ANLN: variants seen among roughly 807,000 people sequenced by gnomAD.
ANLN encodes anillin.
ANLN carries 59 observed loss-of-function variants against 135.1 expected under a neutral mutation model. The ratio of observed to expected loss-of-function variants is 0.44; its 90% confidence interval spans 0.35 to 0.54. The LOEUF (loss-of-function observed/expected upper bound fraction) is 0.54, where lower values mean the gene tolerates loss of function less well. Among genes scored for constraint, ANLN ranks in the 20% least tolerant of loss-of-function variants. ANLN has a pLI of 0.00. For synonymous variants in ANLN, 406 were observed against 456.4 expected, an observed-to-expected ratio of 0.89 and a Z score of 1.41; for missense variants, 1,182 against 1,340.0, an observed-to-expected ratio of 0.88 and a Z score of 1.84.
intron 15 of ANLN, 125 bp downstream of exon 15, chr7:36,424,068 CAAAT>C (rs1787985827): frequency 2.1e-6 from 2 of 971,958 alleles, no homozygotes; most frequent in Non-Finnish European, 2.9e-6. Flanking sequence ...TTTATATTGA[CAAAT>C]AACCCATCTT....
At chr7:36,430,861 A>G (rs575161200) in intron 20 of ANLN, among the ~76,000 whole-genome samples, 1 of 152,306 alleles carries the variant, frequency 6.6e-6, no homozygotes, top group African/African-American at 2.4e-5. Context: ...TGGATGTCTT[A>G]AAAGACTCCT....
intron 17 of ANLN, 143 bp downstream of exon 17, chr7:36,424,885 A>G (rs1407510612): frequency 4.1e-6 from 3 of 727,942 alleles, no homozygotes; most frequent in African/African-American, 3.6e-5. Context: ...ACTATGTTAA[A>G]TAGGTATGAA....
Position 36,420,195 on chromosome 7 carries a change from A to G in ANLN, c.1896A>G (p.Glu632=), listed in dbSNP as rs898143734. 6.2e-7 allele frequency: 1 copy of G among 1,613,928 alleles called. No individual in the cohort carries two copies. Among genetic ancestry groups the G allele is most frequent in the Non-Finnish European group, 8.5e-7 (1 of 1,179,964 alleles). Residue 632 remains glutamate (E), a synonymous_variant, in exon 11 of 24, where the codon GAA becomes GAG. Transcript: ENST00000265748. ...PESLVSTPRL[E]LKDTSRSDES... The stretch of plus-strand genomic sequence containing the variant: ...GTTTAGTGTCCACACCTAGACTGGA[A>G]TTGAAAGACACCAGCAGAAGTGATG...
At chr7:36,437,655 A>AT (rs1195666336) in intron 20 of ANLN, among the ~76,000 whole-genome samples, 1 of 151,748 alleles carries the variant, frequency 6.6e-6, no homozygotes, top group Non-Finnish European at 1.5e-5. Context: ...TAATTTATCT[A>AT]TTTTTTCCTC....
rs146533909 is a variant in ANLN, at chr7:36,422,830, G to C, written c.2476+21G>C. On this transcript the variant is annotated intron_variant, in intron 14 of 23. Transcript: ENST00000265748. ...ACCAGGTATGGTGGTGATTTTTCTA[G>C]ATTGTGTGTTAAATTATGAACCTCA... 435 of 1,573,966 alleles carry C rather than the reference G, an allele frequency of 2.8e-4. No homozygotes were observed. In the African/African-American group the frequency reaches 5.1e-3, roughly 19 times the overall value.
chr7:36,427,378 T>TG (rs150229147), intron 20 of ANLN, among the ~76,000 whole-genome samples: 12,153 of 152,186 alleles, frequency 0.08, 620 homozygotes, highest in Admixed American at 0.13. Context: ...TTTGTTTTTT[T>TG]GTTTTTTTGT....
At chr7:36,451,976 C>T (rs1789262382) in intron 23 of ANLN, among the ~76,000 whole-genome samples, 1 of 152,174 alleles carries the variant, frequency 6.6e-6, no homozygotes, top group African/African-American at 2.4e-5. Context: ...TCATGTTCTA[C>T]TAATATAGTA....
rs963590325 is a variant in ANLN, at chr7:36,408,064, C to T, written c.1096+108C>T. 6 of 868,752 alleles carry T rather than the reference C, an allele frequency of 6.9e-6. No individual in the cohort carries two copies. The African/African-American group carries it at 1.0e-4, about 15-fold the overall frequency. The allele number at this position is 868,752 out of a possible 1,614,324, so 53.8% of individuals were successfully genotyped here. The stretch of plus-strand genomic sequence containing the variant: ...TGGTACAGCAATGATTTGCCAGGGC[C>T]AATGCCTGAATGTTCCAAATGAGAC... On this transcript the variant is annotated intron_variant, in intron 5 of 23. Coordinates refer to ENST00000265748, the MANE Select transcript of ANLN (RefSeq NM_018685.5).
intron 22 of ANLN, among the ~76,000 whole-genome samples, chr7:36,444,092 C>T (rs1347533453): frequency 3.9e-5 from 6 of 152,148 alleles, no homozygotes; most frequent in Non-Finnish European, 7.4e-5. Flanking sequence ...GAGTTCGAGA[C>T]CAGCCTGGCC....
intron 10 of ANLN, 134 bp from the exon 11 acceptor site, chr7:36,420,035 G>C (rs1328437008): frequency 1.2e-6 from 1 of 819,010 alleles, no homozygotes; most frequent in African/African-American, 1.7e-5. Flanking sequence ...AACTTAGTTT[G>C]CTTTGTTTTT....
intron 15 of ANLN, 30 bp downstream of exon 15, chr7:36,423,973 A>C (rs949131691): frequency 6.3e-7 from 1 of 1,595,552 alleles, no homozygotes; most frequent in Admixed American, 1.8e-5. Context: ...GATGATTCGA[A>C]TGCATTTTTC....
chr7:36,407,901 A>AT lies in ANLN; in HGVS notation c.1043dup (p.Leu348PhefsTer3). On this transcript the variant is annotated frameshift_variant, in exon 5 of 24. Transcript: ENST00000265748. LOFTEE classifies it high-confidence loss of function. ...CCCAGACAGTTCCATCCAAGGGAGA[A>AT]TTAAGTAGAGAAATTTGTCTGCAAT... is the stretch of plus-strand genomic sequence containing the variant. The AT allele has an allele frequency of 6.2e-7, 1 of 1,613,872 alleles. No homozygotes were observed. The highest frequency in any genetic ancestry group is 1.1e-5 in the South Asian group (1 of 91,070).
At chr7:36,428,180 G>T (rs563207842) in intron 20 of ANLN, 3 of 317,284 alleles carry the variant, frequency 9.5e-6, no homozygotes, top group South Asian at 8.5e-5. Context: ...TACTATTAAT[G>T]CATGAATGTG....
At chr7:36,404,388 C>G (rs1410666928) in intron 3 of ANLN, among the ~76,000 whole-genome samples, 1 of 152,162 alleles carries the variant, frequency 6.6e-6, no homozygotes, top group African/African-American at 2.4e-5. Flanking sequence ...AGTACCGAAC[C>G]CAATTGCCAT....
At chr7:36,400,962 A>G (rs1259626212) in intron 3 of ANLN, among the ~76,000 whole-genome samples, 2 of 152,164 alleles carry the variant, frequency 1.3e-5, no homozygotes, top group East Asian at 3.8e-4. Context: ...TTTAGACTGG[A>G]TTAAACCAGA....
At chr7:36,452,290 G>A (rs928386262) in intron 23 of ANLN, among the ~76,000 whole-genome samples, 187 bp from the exon 24 acceptor site, 1 of 152,226 alleles carries the variant, frequency 6.6e-6, no homozygotes, top group Admixed American at 6.5e-5. Flanking sequence ...CCAAACTGGG[G>A]ATAATTTTCC....
At chr7:36,427,089 C>A in intron 20 of ANLN, 61 bp downstream of exon 20, 2 of 1,030,688 alleles carry the variant, frequency 1.9e-6, no homozygotes, top group Non-Finnish European at 2.9e-6. Flanking sequence ...AAAATTAGCT[C>A]AATGGAAATG....
At position 36,417,092 on chromosome 7, in the gene ANLN, G is replaced by A; in HGVS notation, c.1535G>A (p.Cys512Tyr). The change falls in exon 9 of 24, where the codon TGC (cysteine) becomes TAC (tyrosine). Residue 512 changes from cysteine to tyrosine, a missense_variant. Coordinates refer to ENST00000265748, the MANE Select transcript of ANLN (RefSeq NM_018685.5). ...TAAACATTTTTAGGTTTCACTGAAT[G>A]CGAAATGACGAAATCTAGCCCTTTG... ...SSTEPKGFTE[C>Y]EMTKSSPLKI... 6.3e-7 allele frequency: 1 copy of A among 1,596,714 alleles called. No homozygotes were observed. Among genetic ancestry groups the A allele is most frequent in the Non-Finnish European group, 8.5e-7 (1 of 1,170,812 alleles).
chr7:36,389,865 TC>T lies in ANLN; in HGVS notation c.-160del. ...AATTTGAACGGCTGCAGAGGCCGAG[TC>T]CGTCACTGGAAGCCGAGAGGAGAGG... On this transcript the variant is annotated 5_prime_UTR_variant, in exon 1 of 24. Coordinates refer to ENST00000265748, the MANE Select transcript of ANLN (RefSeq NM_018685.5). 6 of 1,294,264 alleles carry T rather than the reference TC, an allele frequency of 4.6e-6. No individual in the cohort carries two copies. The highest frequency in any genetic ancestry group is 6.5e-6 in the Non-Finnish European group (6 of 916,972). 80.2% of individuals were successfully genotyped at this position (1,294,264 alleles called of 1,614,324 possible).
Sources: allele counts gnomAD v4.1 joint callset (sites outside exome capture counted in the v4.1 genomes callset), GRCh38; gene constraint gnomAD v4.1.1; transcripts MANE v1.5; gene names NCBI Gene and HGNC (gene_info 2026-07-23, HGNC 2026-07-21).